The following BICC1 variants were observed in gnomAD, a reference collection of about 807,000 sequenced individuals.
The protein encoded by BICC1 is BicC family RNA binding protein 1.
In BICC1, 43 loss-of-function variants were observed where a neutral mutation model predicts 111.0. That is an observed-to-expected ratio of 0.39 (90% confidence interval 0.30 to 0.50). The LOEUF (loss-of-function observed/expected upper bound fraction) is 0.50. BICC1 is among the 20% of genes least tolerant of loss of function. The pLI is 0.88. For missense variants in BICC1, 1,091 were observed against 1,203.2 expected, an observed-to-expected ratio of 0.91 and a Z score of 1.38; for synonymous variants, 467 against 434.4, an observed-to-expected ratio of 1.07 and a Z score of -0.93.
intron 3 of BICC1, among the ~76,000 whole-genome samples, chr10:58,709,768 G>T (rs1035176678): frequency 2.0e-5 from 3 of 152,176 alleles, no homozygotes; most frequent in African/African-American, 7.2e-5. Context: ...GGACATGATT[G>T]TGACTAAACC....
At chr10:58,707,589 G>A (rs1840424186) in intron 3 of BICC1, among the ~76,000 whole-genome samples, 1 of 152,098 alleles carries the variant, frequency 6.6e-6, no homozygotes. Context: ...GAGTGAAGTA[G>A]TGCAATTTCA....
intron 1 of BICC1, among the ~76,000 whole-genome samples, chr10:58,579,267 G>A (rs923968771): frequency 6.6e-6 from 1 of 152,158 alleles, no homozygotes; most frequent in African/African-American, 2.4e-5. Flanking sequence ...GTCCACAAGG[G>A]CAATAGTCCG....
intron 5 of BICC1, among the ~76,000 whole-genome samples, chr10:58,787,485 G>A (rs1232078387): frequency 6.6e-6 from 1 of 152,112 alleles, no homozygotes; most frequent in Non-Finnish European, 1.5e-5. Flanking sequence ...GTGCATTAGT[G>A]CCTGACTTCT....
At chr10:58,712,326 T>C (rs1301068997) in intron 3 of BICC1, among the ~76,000 whole-genome samples, 2 of 152,242 alleles carry the variant, frequency 1.3e-5, no homozygotes, top group Non-Finnish European at 2.9e-5. Context: ...TGTTACCATA[T>C]GATGCAGCTG....
intron 3 of BICC1, among the ~76,000 whole-genome samples, chr10:58,766,270 A>G (rs1172111307): frequency 1.3e-5 from 2 of 152,110 alleles, no homozygotes; most frequent in East Asian, 3.9e-4. Flanking sequence ...ATATAGTGCC[A>G]TGGGGTGGGG....
intron 2 of BICC1, among the ~76,000 whole-genome samples, chr10:58,623,619 G>C (rs1348416211): frequency 6.6e-6 from 1 of 152,166 alleles, no homozygotes. Flanking sequence ...AGCTGGGTTG[G>C]TAGCTGTGTC....
chr10:58,700,938 C>G (rs1840214073), intron 2 of BICC1, among the ~76,000 whole-genome samples: 2 of 152,088 alleles, frequency 1.3e-5, no homozygotes, highest in African/African-American at 4.8e-5. Context: ...TTTAAAAAAC[C>G]TTACAATGAA....
chr10:58,692,626 C>T (rs1236098180), intron 2 of BICC1, among the ~76,000 whole-genome samples: 2 of 152,138 alleles, frequency 1.3e-5, no homozygotes, highest in Admixed American at 6.6e-5. Context: ...TTTGTAAAAA[C>T]TTGTTAAGTT....
At chr10:58,711,544 C>T (rs989185805) in intron 3 of BICC1, among the ~76,000 whole-genome samples, 2 of 152,186 alleles carry the variant, frequency 1.3e-5, no homozygotes, top group Non-Finnish European at 2.9e-5. Flanking sequence ...ACAGGTGAGA[C>T]AGCTCATGTT....
At chr10:58,800,372 A>G (rs753972200) in intron 13 of BICC1, 46 bp downstream of exon 13, 7 of 1,592,278 alleles carry the variant, frequency 4.4e-6, no homozygotes, top group Non-Finnish European at 3.4e-6. Flanking sequence ...TGTTATTTGG[A>G]AAAAGGAGGT....
At chr10:58,524,335 C>T (rs1296618931) in intron 1 of BICC1, among the ~76,000 whole-genome samples, 1 of 152,160 alleles carries the variant, frequency 6.6e-6, no homozygotes, top group East Asian at 1.9e-4. Flanking sequence ...CAGCATGGTA[C>T]TGATACCAAA....
At position 58,585,609 on chromosome 10, in the gene BICC1, T is replaced by C. The variant is rs577950854; in HGVS notation, c.191-35246T>C. 3.3e-5 allele frequency among the ~76,000 whole-genome samples: 5 copies of C among 152,308 alleles called. No homozygotes were observed. The East Asian group carries it at 7.7e-4, about 23-fold the overall frequency. On this transcript the variant is annotated intron_variant, in intron 1 of 20. Coordinates refer to ENST00000373886, the MANE Select transcript of BICC1 (RefSeq NM_001080512.3). ...CCTCACAGGGGACCAGTGGATCTCA[T>C]TGTGCATTCTCCCTCCTCCCCCAGA...
At chr10:58,584,667 T>C (rs1003555481) in intron 1 of BICC1, among the ~76,000 whole-genome samples, 2 of 152,220 alleles carry the variant, frequency 1.3e-5, no homozygotes, top group Non-Finnish European at 2.9e-5. Context: ...CAGTGGAGTG[T>C]GACTAGCTGT....
chr10:58,619,988 C>A (rs1228023719), intron 1 of BICC1, among the ~76,000 whole-genome samples: 5 of 152,132 alleles, frequency 3.3e-5, no homozygotes, highest in Non-Finnish European at 5.9e-5. Flanking sequence ...ACTTCAGTAC[C>A]TTTCTTTGTC....
At chr10:58,815,731 T>C (rs1334192252) in intron 18 of BICC1, among the ~76,000 whole-genome samples, 1 of 152,174 alleles carries the variant, frequency 6.6e-6, no homozygotes, top group Non-Finnish European at 1.5e-5. Context: ...AAGTACGTTA[T>C]AGGCTACTTT....
chr10:58,755,016 A>G (rs1352951213), intron 3 of BICC1, among the ~76,000 whole-genome samples: 3 of 152,178 alleles, frequency 2.0e-5, no homozygotes, highest in East Asian at 3.9e-4. Context: ...TTTAAGTTAC[A>G]TCTGGTTTCT....
At chr10:58,624,621 T>G (rs775705354) in intron 2 of BICC1, among the ~76,000 whole-genome samples, 1 of 152,118 alleles carries the variant, frequency 6.6e-6, no homozygotes, top group Non-Finnish European at 1.5e-5. Flanking sequence ...TGAGACAGAG[T>G]CTTGCTGTGT....
chr10:58,794,347 T>C (rs1281710565), intron 9 of BICC1, among the ~76,000 whole-genome samples: 1 of 152,108 alleles, frequency 6.6e-6, no homozygotes, highest in African/African-American at 2.4e-5. Flanking sequence ...AGTTCAGCGT[T>C]CTTGGAATCT....
rs55886950 is a variant in BICC1 at position 58,783,014 on chromosome 10, C to T, written c.308-1987C>T. 7.4e-3 allele frequency among the ~76,000 whole-genome samples: 1,132 copies of T among 152,278 alleles called. 11 individuals carry two copies. Among genetic ancestry groups the T allele is most frequent in the African/African-American group, 0.026 (1,069 of 41,544 alleles). On this transcript the variant is annotated intron_variant, in intron 3 of 20. Transcript: ENST00000373886. ...TCTCTCCCAACTTGGGTTGGTCAGACGCCCCTTGTGCCTTGCTGTTAGGCC... is the reference window on the plus strand; with the variant it reads ...TCTCTCCCAACTTGGGTTGGTCAGATGCCCCTTGTGCCTTGCTGTTAGGCC...
Sources: gnomAD v4.1 joint callset for allele counts (sites outside exome capture counted in the v4.1 genomes callset) on GRCh38, gnomAD v4.1.1 for gene constraint, MANE v1.5 for transcripts, NCBI Gene and HGNC (gene_info 2026-07-23, HGNC 2026-07-21) for gene names.